The following GARS1 variants were observed in gnomAD, a reference collection of about 807,000 sequenced individuals.
The protein encoded by GARS1 is glycyl-tRNA synthetase 1, also known as glycine--tRNA ligase.
Under a neutral mutation model 86.4 loss-of-function variants are expected in GARS1, and 46 were observed. The ratio of observed to expected loss-of-function variants is 0.53; its 90% CI spans 0.42 to 0.68. The LOEUF (loss-of-function observed/expected upper bound fraction) is 0.68. GARS1 is among the 30% of genes least tolerant of loss of function. The pLI, the probability that GARS1 is intolerant of heterozygous loss-of-function variation, is 0.00. For missense variants in GARS1, 797 were observed against 915.6 expected, an observed-to-expected ratio of 0.87 and a Z score of 1.67; for synonymous variants, 342 against 329.8, an observed-to-expected ratio of 1.04 and a Z score of -0.40.
intron 13 of GARS1, 145 bp downstream of exon 13, chr7:30,626,464 C>T: frequency 3.1e-6 from 2 of 652,802 alleles, no homozygotes; most frequent in Non-Finnish European, 5.6e-6. Context: ...TCCCTCCTGT[C>T]TCAGCCTCCG....
At chr7:30,594,859 G>T, upstream of GARS1, 2 of 1,393,902 alleles carry the variant, frequency 1.4e-6, no homozygotes, top group Non-Finnish European at 9.8e-7. Context: ...ATCATGCTCC[G>T]AGCCGGGCGG....
At position 30,616,335 on chromosome 7, in the gene GARS1, T is replaced by C. The variant is rs548466699; in HGVS notation, c.1194+277T>C. Among the ~76,000 whole-genome samples the C allele has an allele frequency of 2.6e-5, 4 of 152,308 alleles. No individual in the cohort carries two copies. The South Asian group carries it at 8.3e-4, about 32-fold the overall frequency. ...CTTGGTTTGCATTGTGCCTCACCAA[T>C]CTGACTCAACAGTATGTACTACTTT... On this transcript the variant is annotated intron_variant, in intron 9 of 16. Transcript: ENST00000389266.
intron 6 of GARS1, among the ~76,000 whole-genome samples, chr7:30,604,236 G>C (rs1402625328): frequency 1.3e-5 from 2 of 152,162 alleles, no homozygotes; most frequent in East Asian, 3.9e-4. Flanking sequence ...TCCCTGGGAA[G>C]ATGCATGTGC....
At chr7:30,610,820 A>T (rs975057929) in intron 7 of GARS1, among the ~76,000 whole-genome samples, 1 of 152,224 alleles carries the variant, frequency 6.6e-6, no homozygotes, top group Non-Finnish European at 1.5e-5. Context: ...TTAGTTTGGG[A>T]TAATATTCTG....
chr7:30,594,781 C>A (rs1011456833), upstream of GARS1: 4 of 710,102 alleles, frequency 5.6e-6, no homozygotes, highest in South Asian at 7.4e-5. Flanking sequence ...CGGCGGCGAC[C>A]CGGCGCCGCG....
At chr7:30,602,255 A>AT (rs984351330) in intron 4 of GARS1, among the ~76,000 whole-genome samples, 4 of 144,108 alleles carry the variant, frequency 2.8e-5, no homozygotes, top group Admixed American at 7.1e-5. Context: ...TGCCTGGCTA[A>AT]TTTTTTTGTA....
chr7:30,625,445 A>G (rs574840197), intron 12 of GARS1, among the ~76,000 whole-genome samples: 39 of 152,330 alleles, frequency 2.6e-4, no homozygotes, highest in African/African-American at 8.7e-4. Flanking sequence ...AGCAAAATAC[A>G]GTTATAACAT....
chr7:30,607,080 A>G (rs2128133468), intron 6 of GARS1, among the ~76,000 whole-genome samples: 1 of 152,288 alleles, frequency 6.6e-6, no homozygotes, highest in Admixed American at 6.5e-5. Flanking sequence ...AAACACTTTT[A>G]TTGTTCTTTT....
In GARS1 at chr7:30,601,174, C is replaced by T. The variant is rs762875205; in HGVS notation, c.543C>T (p.Thr181=). 2 of 1,614,108 alleles carry T rather than the reference C, an allele frequency of 1.2e-6. No individual in the cohort carries two copies. Among genetic ancestry groups the T allele is most frequent in the Admixed American group, 1.7e-5 (1 of 60,024 alleles). The change falls in exon 4 of 17, where the codon ACC becomes ACT. Residue 181 remains threonine (T), a synonymous_variant. Transcript: ENST00000389266. ...QEEQILEIDC[T]MLTPEPVLKT... is the part of the protein sequence containing the mutation. The stretch of plus-strand genomic sequence containing the variant: ...AACAGATCCTGGAGATCGATTGCAC[C>T]ATGCTCACCCCTGAGCCAGTTTTAA...
intron 1 of GARS1, among the ~76,000 whole-genome samples, chr7:30,598,023 A>T (rs1157499848): frequency 6.6e-6 from 1 of 152,260 alleles, no homozygotes; most frequent in African/African-American, 2.4e-5. Context: ...CCAACTGTAA[A>T]GAGAAAGGCA....
intron 12 of GARS1, 105 bp downstream of exon 12, chr7:30,622,567 A>G (rs1483789731): frequency 7.5e-7 from 1 of 1,333,410 alleles, no homozygotes; most frequent in Non-Finnish European, 1.1e-6. Flanking sequence ...GCAGGTAAGT[A>G]CTGTATCTTG....
rs577044888 is a variant in GARS1 at position 30,622,848 on chromosome 7, C to T, written c.1613+386C>T. ...GGGCACAGTGGCTCATGGCTGTAAT[C>T]CCAGCACTTTGGGAGGCTGAGGTGG... On this transcript the variant is annotated intron_variant, in intron 12 of 16. Coordinates refer to ENST00000389266, the MANE Select transcript of GARS1 (RefSeq NM_002047.4). Among the ~76,000 whole-genome samples, 58 of 152,092 alleles carry T rather than the reference C, an allele frequency of 3.8e-4. 1 individual carries two copies. Among genetic ancestry groups the T allele is most frequent in the African/African-American group, 1.2e-3 (48 of 41,492 alleles).
intron 14 of GARS1, among the ~76,000 whole-genome samples, chr7:30,630,517 C>CTTTTTTT (rs758530758): frequency 3.1e-5 from 4 of 131,018 alleles, no homozygotes; most frequent in African/African-American, 8.5e-5. Flanking sequence ...TTATTTTCGC[C>CTTTTTTT]TTTTTTTTTT....
At chr7:30,625,514 T>G (rs1015363786) in intron 12 of GARS1, among the ~76,000 whole-genome samples, 1 of 152,290 alleles carries the variant, frequency 6.6e-6, no homozygotes, top group Non-Finnish European at 1.5e-5. Context: ...TAGCACTGAA[T>G]TGCTTGGGAG....
upstream of GARS1, chr7:30,594,768 C>A: frequency 1.6e-6 from 1 of 644,034 alleles, no homozygotes; most frequent in Non-Finnish European, 2.6e-6. Context: ...TGTGTCGAAT[C>A]TGCGGCGGCG....
intron 10 of GARS1, among the ~76,000 whole-genome samples, chr7:30,620,119 G>A (rs1202080125): frequency 1.3e-4 from 10 of 76,132 alleles, no homozygotes. Context: ...AAACTCTTTG[G>A]ATCAAGGGCA....
chr7:30,612,369 C>T (rs985711841), intron 8 of GARS1, 124 bp downstream of exon 8: 125 of 975,652 alleles, frequency 1.3e-4, no homozygotes, highest in Non-Finnish European at 1.8e-4. Flanking sequence ...TTGTTTTCTC[C>T]AAAAATCATG....
At chr7:30,596,118 A>C (rs1464196065) in intron 1 of GARS1, among the ~76,000 whole-genome samples, 1 of 152,214 alleles carries the variant, frequency 6.6e-6, no homozygotes, top group Non-Finnish European at 1.5e-5. Context: ...CTTAGTAGTA[A>C]ACACCAAACG....
chr7:30,617,681 G>A (rs1243155027), intron 10 of GARS1, among the ~76,000 whole-genome samples: 1 of 152,172 alleles, frequency 6.6e-6, no homozygotes, highest in Non-Finnish European at 1.5e-5. Context: ...GAGCTATGTA[G>A]TAGCTTTGGG....
Sources: allele counts gnomAD v4.1 joint callset (sites outside exome capture counted in the v4.1 genomes callset), GRCh38; gene constraint gnomAD v4.1.1; transcripts MANE v1.5; gene names NCBI Gene and HGNC (gene_info 2026-07-23, HGNC 2026-07-21).